TNC: variants seen among roughly 807,000 people sequenced by gnomAD.
TNC encodes the protein tenascin C, also known as tenascin.
Under a neutral mutation model 202.4 loss-of-function variants are expected in TNC, and 109 were observed. That is an observed-to-expected ratio of 0.54 (90% CI 0.46 to 0.63). The LOEUF (loss-of-function observed/expected upper bound fraction) is 0.63. TNC is among the 30% of genes least tolerant of loss of function. TNC has a pLI of 0.00. For missense variants in TNC, 2,756 were observed against 2,833.3 expected (o/e 0.97, Z 0.62); for synonymous variants, 1,007 against 1,089.7 (o/e 0.92, Z 1.50).
rs772662887 is a variant in TNC, at chr9:115,086,173, C to A, written c.1558G>T (p.Asp520Tyr). The A allele has an allele frequency of 6.2e-6, 10 of 1,614,046 alleles. No individual in the cohort carries two copies. The highest frequency in any genetic ancestry group is 8.5e-6 in the Non-Finnish European group (10 of 1,180,046). ...LCVDGQCVCE[D>Y]GFTGPDCAEL... ...GCACAGTCAGGGCCGGTGAAGCCGT[C>A]CTCACAGACGCACTGTCCGTCCACA... The change falls in exon 3 of 28, where the codon GAC (aspartate) becomes TAC (tyrosine). Residue 520 changes from aspartate to tyrosine, a missense_variant. Asp to Tyr is a radical substitution (Grantham distance 160). Coordinates refer to ENST00000350763, the MANE Select transcript of TNC (RefSeq NM_002160.4).
In TNC at chr9:115,086,476, C is replaced by G; in HGVS notation, c.1255G>C (p.Val419Leu). ...PNGCSGHGRC[V>L]NGQCVCDEGY... is the part of the protein sequence containing the mutation. ...TCATCACACACACACTGCCCATTGA[C>G]ACAGCGGCCATGGCCACTGCAGCCA... is the stretch of plus-strand genomic sequence containing the variant. The change falls in exon 3 of 28, where the codon GTC becomes CTC. Residue 419 changes from valine to leucine, a missense_variant. Around this residue, in one of 2 missense-constraint regions of TNC, gnomAD observed 2,559 missense variants for 2,546.0 expected, o/e 1.01. Transcript: ENST00000350763. 9 of 1,613,934 alleles carry G rather than the reference C, an allele frequency of 5.6e-6. 1 individual carries two copies. Among genetic ancestry groups the G allele is most frequent in the Non-Finnish European group, 3.4e-6 (4 of 1,180,024 alleles).
At chr9:115,117,604 G>A (rs1837562496) in intron 1 of TNC, among the ~76,000 whole-genome samples, 1 of 152,218 alleles carries the variant, frequency 6.6e-6, no homozygotes, top group Non-Finnish European at 1.5e-5. Context: ...CAGGCTATGA[G>A]CAAAGTCTGC....
At chr9:115,057,476 A>C (rs754099753) in intron 14 of TNC, 51 bp from the exon 15 acceptor site, 12 of 1,440,388 alleles carry the variant, frequency 8.3e-6, no homozygotes, top group Middle Eastern at 1.9e-4. Flanking sequence ...TGAGTTAATT[A>C]TTTGGCTGTG....
Position 115,046,569 on chromosome 9 carries a change from C to G in TNC, c.4966G>C (p.Asp1656His), listed in dbSNP as rs771928825. Residue 1656 changes from aspartate to histidine, a missense_variant, in exon 17 of 28, where the codon GAT becomes CAT. By Grantham distance (81) the Asp-to-His change is moderately conservative. Transcript: ENST00000350763. ...VFDNFVLKIR[D>H]TKKQSEPLEI... ...AGTGGCTCAGACTGCTTTTTGGTAT[C>G]TCTGATTTTGAGAACAAAATTGTCG... is the stretch of plus-strand genomic sequence containing the variant. 2 of 1,613,950 alleles carry G rather than the reference C, an allele frequency of 1.2e-6. No individual in the cohort carries two copies. Among genetic ancestry groups the G allele is most frequent in the Non-Finnish European group, 1.7e-6 (2 of 1,179,994 alleles).
At position 115,085,914 on chromosome 9, in the gene TNC, G is replaced by A. The variant is rs886435578; in HGVS notation, c.1817C>T (p.Ser606Leu). 23 of 1,612,818 alleles carry A rather than the reference G, an allele frequency of 1.4e-5. No homozygotes were observed. Among genetic ancestry groups the A allele is most frequent in the South Asian group, 5.5e-5 (5 of 91,002 alleles). Residue 606 changes from serine to leucine, a missense_variant, in exon 3 of 28, where the codon TCG becomes TTG. Around this residue, in one of 2 missense-constraint regions of TNC, gnomAD observed 2,559 missense variants for 2,546.0 expected, o/e 1.01. Coordinates refer to ENST00000350763, the MANE Select transcript of TNC (RefSeq NM_002160.4). ...GCCCTCGTTGCAGATGCAGCGGCCC[G>A]AGACGCATTGTCCTAAGTTGTTGCA... ...SDCNNLGQCVSGRCICNEGYS... is the reference protein window; with the variant it reads ...SDCNNLGQCVLGRCICNEGYS...
chr9:115,023,836 T>A, intron 27 of TNC, 137 bp downstream of exon 27: 1 of 1,051,146 alleles, frequency 9.5e-7, no homozygotes, highest in South Asian at 1.6e-5. Context: ...GCTCACTGCC[T>A]TGGGAAAAAC....
At chr9:115,065,730 C>T (rs750280651) in intron 10 of TNC, among the ~76,000 whole-genome samples, 6 of 151,604 alleles carry the variant, frequency 4.0e-5, no homozygotes, top group African/African-American at 1.2e-4. Flanking sequence ...GGCGAAACCC[C>T]GTGTCTACAA....
chr9:115,038,653 T>A (rs927040825), intron 19 of TNC, among the ~76,000 whole-genome samples: 44 of 152,330 alleles, frequency 2.9e-4, no homozygotes, highest in South Asian at 2.1e-4. Flanking sequence ...ATTTTGATTT[T>A]TCCATTATAT....
At chr9:115,078,709 C>A (rs1383432791) in intron 6 of TNC, among the ~76,000 whole-genome samples, 1 of 152,090 alleles carries the variant, frequency 6.6e-6, no homozygotes, top group Non-Finnish European at 1.5e-5. Context: ...TGTATGGAAA[C>A]TTATTTTTGA....
rs759304274 is a variant in TNC at position 115,021,282 on chromosome 9, A to C, written c.6496-15T>G. ...CAGTTAACGCCCTGTTAAAAAAAAA[A>C]AAGAGAGAGAGAGAGAGAGAGAGAA... On this transcript the variant is annotated splice_polypyrimidine_tract_variant and intron_variant, in intron 27 of 27. Transcript: ENST00000350763. 3 of 1,489,992 alleles carry C rather than the reference A, an allele frequency of 2.0e-6. No homozygotes were observed. Among genetic ancestry groups the C allele is most frequent in the Non-Finnish European group, 2.8e-6 (3 of 1,082,586 alleles). The allele number at this position is 1,489,992 out of a possible 1,614,324, so 92.3% of individuals were successfully genotyped here.
chr9:115,057,186 G>A lies in TNC; in HGVS notation c.4546C>T (p.Arg1516Trp), dbSNP rs200005353. The part of the protein sequence containing the change: ...VYLSGLAPSI[R>W]TKTISATATT... ...GCTGTGGCACTGATGGTTTTGGTCCGGATGCTGGGAGCAAGTCCAGAGAGG... is the reference window on the plus strand; with the variant it reads ...GCTGTGGCACTGATGGTTTTGGTCCAGATGCTGGGAGCAAGTCCAGAGAGG... Residue 1516 changes from arginine to tryptophan, a missense_variant, in exon 15 of 28, where the codon CGG becomes TGG. Physicochemically the swap from Arg to Trp is moderately radical, Grantham distance 101. Transcript: ENST00000350763. 69 of 1,613,740 alleles carry A rather than the reference G, an allele frequency of 4.3e-5. No individual in the cohort carries two copies. The Admixed American group carries it at 5.0e-4, about 12-fold the overall frequency.
At chr9:115,055,895 C>T (rs1832078504) in intron 15 of TNC, 4 of 152,148 alleles carry the variant, frequency 2.6e-5, no homozygotes, top group South Asian at 2.1e-4. Flanking sequence ...TGTTGAAAAT[C>T]GGTTTGAGCC....
At chr9:115,073,947 G>C (rs769240773) in intron 9 of TNC, 81 bp from the exon 10 acceptor site, 18 of 1,446,438 alleles carry the variant, frequency 1.2e-5, no homozygotes, top group Non-Finnish European at 1.7e-5. Flanking sequence ...ACTGCATCTG[G>C]GCTGGAATCC....
At chr9:115,038,548 T>C (rs1379924541) in intron 19 of TNC, among the ~76,000 whole-genome samples, 168 bp from the exon 20 acceptor site, 2 of 152,188 alleles carry the variant, frequency 1.3e-5, no homozygotes, top group Non-Finnish European at 2.9e-5. Context: ...CTTTGAGTAA[T>C]GACTCCCTCC....
chr9:115,050,399 CA>C (rs1006127157), intron 15 of TNC, among the ~76,000 whole-genome samples: 68 of 152,256 alleles, frequency 4.5e-4, no homozygotes, highest in African/African-American at 1.5e-3. Flanking sequence ...CAAGCCGCTA[CA>C]AGCAATGGCC....
intron 15 of TNC, among the ~76,000 whole-genome samples, chr9:115,055,938 TCTC>T (rs1183363378): frequency 6.6e-6 from 1 of 152,146 alleles, no homozygotes; most frequent in Non-Finnish European, 1.5e-5. Flanking sequence ...TGCCTAATTT[TCTC>T]CTCTAAGTTT....
chr9:115,094,266 G>A (rs1346553850), intron 1 of TNC, among the ~76,000 whole-genome samples: 2 of 152,140 alleles, frequency 1.3e-5, no homozygotes, highest in Non-Finnish European at 2.9e-5. Context: ...ACTTAAGCCT[G>A]AGCTTGACCG....
chr9:115,116,567 T>G (rs1448802365), intron 1 of TNC, among the ~76,000 whole-genome samples: 1 of 152,146 alleles, frequency 6.6e-6, no homozygotes, highest in African/African-American at 2.4e-5. Context: ...GGGGAAAAAG[T>G]CTACAAAAAC....
intron 1 of TNC, among the ~76,000 whole-genome samples, chr9:115,101,632 T>C (rs10982533): frequency 0.16 from 24,615 of 152,218 alleles, 2,116 homozygotes; most frequent in African/African-American, 0.23. Flanking sequence ...AATGTTAACA[T>C]TCTTTCAAGA....
Sources: gnomAD v4.1 joint callset for allele counts (sites outside exome capture counted in the v4.1 genomes callset) on GRCh38, gnomAD v4.1.1 for gene constraint, gnomAD v4.1.1 regional missense constraint, MANE v1.5 for transcripts, NCBI Gene and HGNC (gene_info 2026-07-23, HGNC 2026-07-21) for gene names.